SLC4A4: variants seen among roughly 807,000 people sequenced by gnomAD.
SLC4A4 encodes electrogenic sodium bicarbonate cotransporter 1.
In SLC4A4, 27 loss-of-function variants were observed where a neutral mutation model predicts 111.5. That is an observed-to-expected ratio of 0.24 (90% CI 0.18 to 0.33). The LOEUF (loss-of-function observed/expected upper bound fraction) is 0.33. SLC4A4 is among the 10% of genes least tolerant of loss of function. The pLI is 1.00. For synonymous variants in SLC4A4, 443 were observed against 463.4 expected (o/e 0.96, Z 0.57); for missense variants, 909 against 1,315.5 (o/e 0.69, Z 4.78).
rs374748256 is a variant in SLC4A4, at chr4:71,547,669, C to T, written c.2643C>T (p.Thr881=). The change falls in exon 20 of 26, where the codon ACC becomes ACT. Residue 881 remains threonine (T), a synonymous_variant. Transcript: ENST00000264485. ...TCAGGGAACAAAGAGTCACTGGAAC[C>T]CTTGTGTTTATTCTGACTGGTCTGT... The part of the protein sequence containing the change: ...LGVREQRVTG[T]LVFILTGLSV... 1.2e-6 allele frequency: 2 copies of T among 1,611,754 alleles called. No individual in the cohort carries two copies. Among genetic ancestry groups the T allele is most frequent in the Non-Finnish European group, 1.7e-6 (2 of 1,178,504 alleles).
intron 7 of SLC4A4, among the ~76,000 whole-genome samples, chr4:71,417,189 G>A (rs1365083842): frequency 6.6e-6 from 1 of 152,220 alleles, no homozygotes; most frequent in Admixed American, 6.5e-5. Flanking sequence ...AGGAAACAAA[G>A]TTGAATGATA....
At chr4:71,323,319 A>G (rs965789977) in intron 3 of SLC4A4, among the ~76,000 whole-genome samples, 2 of 151,962 alleles carry the variant, frequency 1.3e-5, no homozygotes, top group African/African-American at 2.4e-5. Context: ...TTTTTTTTCT[A>G]TACATATTAT....
chr4:71,438,837 A>C (rs572952164), intron 7 of SLC4A4, among the ~76,000 whole-genome samples: 5 of 152,178 alleles, frequency 3.3e-5, no homozygotes, highest in Admixed American at 2.0e-4. Flanking sequence ...ATTTTGCCTT[A>C]TGAATGGTTA....
chr4:71,569,017 C>T lies in SLC4A4; in HGVS notation c.*1266C>T, dbSNP rs1737732045. On this transcript the variant is annotated 3_prime_UTR_variant, in exon 26 of 26. Transcript: ENST00000264485. ...CCTATGCAGTATTGTTAGACATTTT[C>T]TCATTTTGAAATATTTGTGTGTTTG... 6.6e-6 allele frequency: 1 copy of T among 151,690 alleles called. No individual in the cohort carries two copies. The highest frequency in any genetic ancestry group is 2.1e-4 in the South Asian group (1 of 4,832). The allele number at this position is 151,690 out of a possible 1,614,324, so 9.4% of individuals were successfully genotyped here. A position where few individuals can be genotyped will look rare whatever the true frequency, so the allele number is the denominator to read the frequency against.
At chr4:71,070,445 G>A (rs2148929881) in intron 1 of SLC4A4, among the ~76,000 whole-genome samples, 1 of 152,298 alleles carries the variant, frequency 6.6e-6, no homozygotes, top group Middle Eastern at 3.4e-3. Flanking sequence ...AAGGCTTCTT[G>A]ATGAAAGCAA....
intron 2 of SLC4A4, among the ~76,000 whole-genome samples, chr4:71,129,784 C>CAAAAAAAAAAAAAAAAAA: frequency 1.3e-5 from 1 of 75,582 alleles, no homozygotes; most frequent in Non-Finnish European, 2.5e-5. Context: ...TACCATGCAC[C>CAAAAAAAAAAAAAAAAAA]AAAAAAAAAA....
At chr4:71,466,927 C>CG (rs1727379711) in intron 13 of SLC4A4, among the ~76,000 whole-genome samples, 46 of 74,614 alleles carry the variant, frequency 6.2e-4, no homozygotes, top group Admixed American at 3.8e-3. Context: ...ACCAACAAGA[C>CG]GGGAAGAGAG....
intron 14 of SLC4A4, among the ~76,000 whole-genome samples, chr4:71,479,120 G>A (rs985565449): frequency 6.6e-6 from 1 of 151,612 alleles, no homozygotes; most frequent in Non-Finnish European, 1.5e-5. Context: ...TTAACAAAAG[G>A]GATATATTTT....
intron 1 of SLC4A4, among the ~76,000 whole-genome samples, chr4:71,220,597 A>G (rs1272980651): frequency 1.3e-5 from 2 of 152,194 alleles, no homozygotes; most frequent in African/African-American, 2.4e-5. Flanking sequence ...AGTTTTTTAA[A>G]CAGTTGATTT....
intron 1 of SLC4A4, among the ~76,000 whole-genome samples, chr4:71,208,339 G>A (rs1717907629): frequency 6.6e-6 from 1 of 151,820 alleles, no homozygotes; most frequent in African/African-American, 2.4e-5. Flanking sequence ...GCTGAGGCAG[G>A]AGAATGGTGT....
chr4:71,112,401 A>G (rs1743112963), intron 2 of SLC4A4, among the ~76,000 whole-genome samples: 1 of 152,260 alleles, frequency 6.6e-6, no homozygotes, highest in Non-Finnish European at 1.5e-5. Flanking sequence ...GTTAATTAGC[A>G]TCAATTTTCA....
At chr4:71,382,806 A>G (rs2148953215) in intron 6 of SLC4A4, among the ~76,000 whole-genome samples, 1 of 152,314 alleles carries the variant, frequency 6.6e-6, no homozygotes, top group South Asian at 2.1e-4. Context: ...GGGGTATCTA[A>G]ACTCATTGTT....
chr4:71,466,812 C>G (rs756413951), intron 13 of SLC4A4, among the ~76,000 whole-genome samples: 1 of 152,004 alleles, frequency 6.6e-6, no homozygotes, highest in Non-Finnish European at 1.5e-5. Context: ...CACTTACTCT[C>G]TTTCCCATTG....
At chr4:71,379,019 C>G (rs1420449003) in intron 6 of SLC4A4, among the ~76,000 whole-genome samples, 1 of 152,184 alleles carries the variant, frequency 6.6e-6, no homozygotes, top group Non-Finnish European at 1.5e-5. Context: ...ACTATTACAA[C>G]TGCTCTAATT....
rs557135032 is a variant in SLC4A4 at position 71,569,965 on chromosome 4, G to A, written c.*2214G>A. The A allele has an allele frequency of 2.0e-5, 3 of 151,798 alleles. No individual in the cohort carries two copies. The highest frequency in any genetic ancestry group is 4.2e-4 in the South Asian group (2 of 4,818). 9.4% of individuals were successfully genotyped at this position (151,798 alleles called of 1,614,324 possible). Reference sequence around the variant, plus strand: ...TTGTATTTAGGGCTATCCTTAAAATGATGAGTCTATATTATCTAGCTTTCT... The same window carrying A: ...TTGTATTTAGGGCTATCCTTAAAATAATGAGTCTATATTATCTAGCTTTCT... On this transcript the variant is annotated 3_prime_UTR_variant, in exon 26 of 26. Coordinates refer to ENST00000264485, the MANE Select transcript of SLC4A4 (RefSeq NM_001098484.3).
chr4:71,191,163 G>T (rs1249715652), intron 1 of SLC4A4, among the ~76,000 whole-genome samples: 2 of 152,198 alleles, frequency 1.3e-5, no homozygotes, highest in Admixed American at 1.3e-4. Flanking sequence ...ATGTTTGGTA[G>T]GTTAGGTGTA....
intron 3 of SLC4A4, among the ~76,000 whole-genome samples, chr4:71,281,136 T>G (rs909314570): frequency 2.0e-5 from 3 of 152,208 alleles, no homozygotes; most frequent in African/African-American, 7.2e-5. Context: ...GTTTCCTGAC[T>G]TGCGTTTGCA....
chr4:71,244,604 A>G (rs1309097131), intron 2 of SLC4A4, among the ~76,000 whole-genome samples: 3 of 152,116 alleles, frequency 2.0e-5, no homozygotes, highest in African/African-American at 7.2e-5. Context: ...CTTGCAGGTA[A>G]TTGTTGTATG....
At chr4:71,118,623 T>C (rs1259054608) in intron 2 of SLC4A4, among the ~76,000 whole-genome samples, 1 of 152,244 alleles carries the variant, frequency 6.6e-6, no homozygotes, top group Admixed American at 6.5e-5. Flanking sequence ...ATTTTTGCTT[T>C]TCTGGAAATA....
Sources: gnomAD v4.1 joint callset for allele counts (sites outside exome capture counted in the v4.1 genomes callset) on GRCh38, gnomAD v4.1.1 for gene constraint, MANE v1.5 for transcripts, NCBI Gene and HGNC (gene_info 2026-07-23, HGNC 2026-07-21) for gene names.